The following CHIC1 variants were observed in gnomAD, a reference collection of about 807,000 sequenced individuals.
CHIC1 encodes the protein cysteine-rich hydrophobic domain-containing protein 1.
A neutral mutation model predicts 18.5 loss-of-function variants in CHIC1; 7 were observed. The ratio of observed to expected loss-of-function variants is 0.38; its 90% CI spans 0.22 to 0.71. CHIC1 has a LOEUF of 0.71. Among genes scored for constraint, CHIC1 ranks in the 30% least tolerant of loss-of-function variants. The pLI is 0.49. For missense variants in CHIC1, 159 were observed against 176.9 expected (o/e 0.90, Z 0.57); for synonymous variants, 77 against 73.5 (o/e 1.05, Z -0.25).
In CHIC1 at chrX:73,584,285, A is replaced by G. The variant is rs761184449; in HGVS notation, c.352-132A>G. On this transcript the variant is annotated intron_variant, in intron 2 of 5. Coordinates refer to ENST00000373502, the MANE Select transcript of CHIC1 (RefSeq NM_001039840.4). ...CAACGTCATCCTAGAGTGCGTGAAC[A>G]TATTTATGGGGAATATATCTATTTA... 6.5e-5 allele frequency: 34 copies of G among 526,916 alleles called. No individual in the cohort carries two copies. The African/African-American group carries it at 6.6e-4, about 10-fold the overall frequency. 43.4% of individuals were successfully genotyped at this position (526,916 alleles called of 1,213,427 possible).
intron 3 of CHIC1, among the ~76,000 whole-genome samples, chrX:73,646,093 T>C: frequency 8.9e-6 from 1 of 111,825 alleles, no homozygotes; most frequent in South Asian, 3.7e-4. Context: ...TCCAATTTTA[T>C]TCCTCTGCAT....
chrX:73,586,231 G>A (rs952733205), intron 3 of CHIC1, among the ~76,000 whole-genome samples: 1 of 111,200 alleles, frequency 9.0e-6, no homozygotes, highest in African/African-American at 3.3e-5. Context: ...ACATTCTCTG[G>A]TTCATCTTAG....
chrX:73,637,155 A>G (rs1329025470), intron 3 of CHIC1, among the ~76,000 whole-genome samples: 5 of 111,279 alleles, frequency 4.5e-5, no homozygotes, highest in Non-Finnish European at 3.8e-5. Context: ...ATGGAATTCT[A>G]TGTTAACAGG....
chrX:73,655,692 C>T (rs1327529234), intron 3 of CHIC1, among the ~76,000 whole-genome samples: 1 of 102,425 alleles, frequency 9.8e-6, no homozygotes, highest in Non-Finnish European at 2.0e-5. Flanking sequence ...ATTATCAAGT[C>T]TATCATTGAT....
At chrX:73,582,090 A>G (rs2057530617) in intron 2 of CHIC1, among the ~76,000 whole-genome samples, 2 of 108,434 alleles carry the variant, frequency 1.8e-5, no homozygotes, top group Non-Finnish European at 3.9e-5. Context: ...GGACTGACTC[A>G]TTTCTGCACC....
At chrX:73,659,701 T>C (rs2057970364) in intron 3 of CHIC1, among the ~76,000 whole-genome samples, 1 of 111,559 alleles carries the variant, frequency 9.0e-6, no homozygotes, top group Non-Finnish European at 1.9e-5. Context: ...GGAAAACATA[T>C]GGTTGGGTAG....
At chrX:73,665,184 C>T (rs2057998626) in intron 3 of CHIC1, among the ~76,000 whole-genome samples, 1 of 110,780 alleles carries the variant, frequency 9.0e-6, no homozygotes. Context: ...GGCAAAACCT[C>T]CGTTTCCTCT....
chrX:73,606,490 C>T (rs913770513), intron 3 of CHIC1, among the ~76,000 whole-genome samples: 19 of 107,444 alleles, frequency 1.8e-4, no homozygotes, highest in African/African-American at 3.6e-4. Context: ...TCTGTCACTT[C>T]GCCAAACTTC....
rs974504742 is a variant in CHIC1, at chrX:73,607,146, G to A, written c.507+22574G>A. ...GAGTTTTATCTATAAGTCTTTGACT[G>A]GAGCTGCTGCCTTTCTTTCAGAGAT... On this transcript the variant is annotated intron_variant, in intron 3 of 5. Coordinates refer to ENST00000373502, the MANE Select transcript of CHIC1 (RefSeq NM_001039840.4). Among the ~76,000 whole-genome samples, 6 of 109,095 alleles carry A rather than the reference G, an allele frequency of 5.5e-5. 1 individual carries two copies. The highest frequency in any genetic ancestry group is 1.1e-4 in the African/African-American group (3 of 28,061). The allele number at this position is 109,095 out of a possible 115,157, so 94.7% of individuals were successfully genotyped here. A position where few individuals can be genotyped will look rare whatever the true frequency, so the allele number is the denominator to read the frequency against.
intron 3 of CHIC1, among the ~76,000 whole-genome samples, chrX:73,587,586 G>C (rs1434640028): frequency 1.8e-5 from 2 of 111,418 alleles, no homozygotes; most frequent in Admixed American, 1.9e-4. Context: ...ATAATTCACT[G>C]TCCTGTTTGA....
chrX:73,616,382 A>G (rs760208484), intron 3 of CHIC1, among the ~76,000 whole-genome samples: 1 of 111,313 alleles, frequency 9.0e-6, no homozygotes, highest in Non-Finnish European at 1.9e-5. Flanking sequence ...CTGGCGTTGA[A>G]TGTCTGCAGC....
intron 3 of CHIC1, among the ~76,000 whole-genome samples, chrX:73,672,347 G>A (rs1299396347): frequency 2.9e-4 from 32 of 111,511 alleles, no homozygotes; most frequent in Non-Finnish European, 5.8e-4. Context: ...TCGCCACACT[G>A]ACTTCCACAA....
intron 3 of CHIC1, among the ~76,000 whole-genome samples, chrX:73,676,808 CT>C (rs1448774392): frequency 0.041 from 4,574 of 110,500 alleles, 242 homozygotes; most frequent in African/African-American, 0.14. Flanking sequence ...GAGAGGTGCT[CT>C]GATTTTTACA....
intron 3 of CHIC1, among the ~76,000 whole-genome samples, chrX:73,640,010 G>A (rs1259954719): frequency 4.5e-5 from 5 of 111,315 alleles, no homozygotes; most frequent in Non-Finnish European, 9.4e-5. Context: ...TTATTTGGAT[G>A]CTCTTTATTT....
intron 1 of CHIC1, among the ~76,000 whole-genome samples, chrX:73,570,388 G>T (rs1357775996): frequency 9.0e-6 from 1 of 111,159 alleles, no homozygotes; most frequent in Non-Finnish European, 1.9e-5. Context: ...GGAACATTAT[G>T]AGAATGATTT....
chrX:73,607,367 T>G (rs2057688115), intron 3 of CHIC1, among the ~76,000 whole-genome samples: 1 of 108,313 alleles, frequency 9.2e-6, no homozygotes, highest in Admixed American at 9.6e-5. Context: ...GACTTCAGAC[T>G]GCTGTGCTGG....
rs1008602013 is a variant in CHIC1 at position 73,686,675 on chromosome X, C to T, written c.*5670C>T. 2.7e-5 allele frequency: 3 copies of T among 111,170 alleles called. No homozygotes were observed. Among genetic ancestry groups the T allele is most frequent in the African/African-American group, 9.8e-5 (3 of 30,655 alleles). The allele number at this position is 111,170 out of a possible 1,213,427, so 9.2% of individuals were successfully genotyped here. The stretch of plus-strand genomic sequence containing the variant: ...TGTTTGAAAGTATATAATCTACGAG[C>T]GAATTTGCCCTCCTTGGACTAACCA... On this transcript the variant is annotated 3_prime_UTR_variant, in exon 6 of 6. Coordinates refer to ENST00000373502, the MANE Select transcript of CHIC1 (RefSeq NM_001039840.4).
chrX:73,617,060 T>C (rs951473433), intron 3 of CHIC1, among the ~76,000 whole-genome samples: 1 of 112,376 alleles, frequency 8.9e-6, no homozygotes, highest in African/African-American at 3.2e-5. Context: ...CTTTTAAAAG[T>C]AAATAATTTT....
chrX:73,651,249 A>T (rs895911121), intron 3 of CHIC1, among the ~76,000 whole-genome samples: 4 of 110,082 alleles, frequency 3.6e-5, no homozygotes, highest in Non-Finnish European at 7.7e-5. Context: ...TCACAGAATT[A>T]GACAAACCCA....
Sources: gnomAD v4.1 joint callset for allele counts (sites outside exome capture counted in the v4.1 genomes callset) on GRCh38, gnomAD v4.1.1 for gene constraint, MANE v1.5 for transcripts, NCBI Gene and HGNC (gene_info 2026-07-23, HGNC 2026-07-21) for gene names.